ULK4: variants seen among roughly 807,000 people sequenced by gnomAD.
ULK4 encodes the protein inactive serine/threonine-protein kinase ULK4.
In ULK4, 133 loss-of-function variants were observed where a neutral mutation model predicts 160.6. The ratio of observed to expected loss-of-function variants is 0.83; its 90% CI spans 0.72 to 0.96. The LOEUF is 0.96. ULK4 is among the 40% of genes least tolerant of loss of function. ULK4 has a pLI of 0.00. For missense variants in ULK4, 1,580 were observed against 1,499.5 expected, an observed-to-expected ratio of 1.05 and a Z score of -0.89; for synonymous variants, 534 against 539.8, an observed-to-expected ratio of 0.99 and a Z score of 0.15.
intron 31 of ULK4, among the ~76,000 whole-genome samples, chr3:41,611,862 C>G (rs535507601): frequency 2.0e-5 from 3 of 152,174 alleles, no homozygotes; most frequent in African/African-American, 7.2e-5. Flanking sequence ...GGATTTCATC[C>G]CAAACTACCC....
intron 32 of ULK4, among the ~76,000 whole-genome samples, chr3:41,470,044 A>AAAAAAAAAAAAAAAAAAAAC (rs1415943037): frequency 1.7e-4 from 20 of 116,750 alleles, no homozygotes; most frequent in African/African-American, 2.5e-4. Context: ...AAAAAAAAAA[A>AAAAAAAAAAAAAAAAAAAAC]AACAAAGTAT....
At chr3:41,469,977 C>G in intron 32 of ULK4, among the ~76,000 whole-genome samples, 1 of 116,702 alleles carries the variant, frequency 8.6e-6, no homozygotes, top group East Asian at 2.8e-4. Flanking sequence ...CATTAAGAGA[C>G]CTAACCTATG....
At chr3:41,833,573 G>A (rs1172030589) in intron 18 of ULK4, among the ~76,000 whole-genome samples, 2 of 152,126 alleles carry the variant, frequency 1.3e-5, no homozygotes, top group Admixed American at 6.5e-5. Flanking sequence ...TAGGATTGCA[G>A]GCGTGAGCCA....
intron 35 of ULK4, among the ~76,000 whole-genome samples, chr3:41,371,399 C>T (rs540150517): frequency 6.6e-6 from 1 of 152,266 alleles, no homozygotes; most frequent in African/African-American, 2.4e-5. Context: ...AGGAGAGCTC[C>T]AGCTGACATC....
At chr3:41,408,018 T>G (rs575065918) in intron 34 of ULK4, among the ~76,000 whole-genome samples, 7 of 152,146 alleles carry the variant, frequency 4.6e-5, no homozygotes, top group Middle Eastern at 3.4e-3. Flanking sequence ...TATACAAAAA[T>G]CAATTGTATT....
chr3:41,353,806 G>A (rs911622813), intron 35 of ULK4, among the ~76,000 whole-genome samples: 4 of 151,200 alleles, frequency 2.6e-5, no homozygotes, highest in African/African-American at 9.8e-5. Context: ...CTTCTATAGG[G>A]TACACCTACT....
At chr3:41,779,982 T>C (rs1257670967) in intron 21 of ULK4, among the ~76,000 whole-genome samples, 2 of 43,906 alleles carry the variant, frequency 4.6e-5, no homozygotes, top group East Asian at 4.4e-4. Context: ...ACTTAGAGTA[T>C]AATAAAAAAA....
intron 22 of ULK4, among the ~76,000 whole-genome samples, chr3:41,735,568 A>T (rs923662473): frequency 6.6e-6 from 1 of 152,044 alleles, no homozygotes; most frequent in African/African-American, 2.4e-5. Context: ...GTAGATATCC[A>T]TTCCATTTGA....
chr3:41,373,036 C>T (rs1393192952), intron 35 of ULK4, among the ~76,000 whole-genome samples: 1 of 152,028 alleles, frequency 6.6e-6, no homozygotes, highest in Non-Finnish European at 1.5e-5. Flanking sequence ...ACAAAAAAGA[C>T]AATGAAGGGC....
chr3:41,252,666 G>C (rs1460798269), intron 35 of ULK4, among the ~76,000 whole-genome samples: 1 of 149,388 alleles, frequency 6.7e-6, no homozygotes, highest in East Asian at 2.0e-4. Flanking sequence ...AGGGACCTAT[G>C]AGACAATAGC....
chr3:41,395,811 A>G (rs1300183095), intron 35 of ULK4, among the ~76,000 whole-genome samples: 4 of 152,172 alleles, frequency 2.6e-5, no homozygotes, highest in Non-Finnish European at 4.4e-5. Context: ...AATAAAAAGA[A>G]AATAGATGAG....
chr3:41,454,066 T>C (rs2083482751), intron 34 of ULK4, among the ~76,000 whole-genome samples: 1 of 144,990 alleles, frequency 6.9e-6, no homozygotes, highest in Non-Finnish European at 1.5e-5. Context: ...TTAGGAGATA[T>C]ACCTAATGTA....
Position 41,417,145 on chromosome 3 carries a change from C to T in ULK4, c.3493-18881G>A, listed in dbSNP as rs557806299. Among the ~76,000 whole-genome samples, 8 of 152,260 alleles carry T rather than the reference C, an allele frequency of 5.3e-5. No homozygotes were observed. In the South Asian group the frequency reaches 6.2e-4, roughly 12 times the overall value. On this transcript the variant is annotated intron_variant, in intron 34 of 36. Transcript: ENST00000301831. ...GAGAGACAGTGAAGAGTGAAGCATA[C>T]GTTGATGCAGTGAAGCATTCTGTTC...
intron 35 of ULK4, among the ~76,000 whole-genome samples, chr3:41,316,258 A>T (rs1012003510): frequency 2.0e-4 from 31 of 152,352 alleles, no homozygotes; most frequent in African/African-American, 7.5e-4. Context: ...TGAAAGCATT[A>T]TACTAAGTGA....
chr3:41,677,462 G>C (rs1482900927), intron 29 of ULK4, among the ~76,000 whole-genome samples: 2 of 151,598 alleles, frequency 1.3e-5, no homozygotes, highest in Non-Finnish European at 2.9e-5. Context: ...CTCCCGAGTA[G>C]CTAGGACTAC....
intron 2 of ULK4, among the ~76,000 whole-genome samples, chr3:41,948,789 A>T (rs1344954896): frequency 1.3e-5 from 2 of 151,924 alleles, no homozygotes; most frequent in African/African-American, 4.8e-5. Context: ...TAAAAGTCAT[A>T]TATGAAAAAC....
chr3:41,813,369 T>C (rs1420579631), intron 19 of ULK4, among the ~76,000 whole-genome samples: 1 of 152,222 alleles, frequency 6.6e-6, no homozygotes. Flanking sequence ...TCATATTTTC[T>C]TAATTCCAAA....
At chr3:41,452,025 A>G (rs927164806) in intron 34 of ULK4, among the ~76,000 whole-genome samples, 9 of 152,194 alleles carry the variant, frequency 5.9e-5, no homozygotes, top group African/African-American at 2.2e-4. Context: ...TTCACATTTA[A>G]TGTTCTATAC....
intron 33 of ULK4, among the ~76,000 whole-genome samples, chr3:41,460,222 A>G (rs1214144427): frequency 6.6e-6 from 1 of 152,204 alleles, no homozygotes; most frequent in African/African-American, 2.4e-5. Flanking sequence ...TAATGGTCCT[A>G]CTATCAGGAG....
Sources: allele counts gnomAD v4.1 joint callset (sites outside exome capture counted in the v4.1 genomes callset), GRCh38; gene constraint gnomAD v4.1.1; transcripts MANE v1.5; gene names NCBI Gene and HGNC (gene_info 2026-07-23, HGNC 2026-07-21).